ADAM12: variants seen among roughly 807,000 people sequenced by gnomAD.
ADAM12 encodes the protein ADAM metallopeptidase domain 12, also known as disintegrin and metalloproteinase domain-containing protein 12.
Under a neutral mutation model 106.4 loss-of-function variants are expected in ADAM12, and 70 were observed. The observed-to-expected ratio is 0.66, with a 90% confidence interval of 0.54 to 0.80. The LOEUF is 0.80. ADAM12 is among the 30% of genes least tolerant of loss of function. The pLI is 0.00. For synonymous variants in ADAM12, 420 were observed against 433.5 expected, an observed-to-expected ratio of 0.97 and a Z score of 0.39; for missense variants, 1,010 against 1,171.9, an observed-to-expected ratio of 0.86 and a Z score of 2.02.
chr10:126,104,463 AAAG>A (rs533748265), intron 8 of ADAM12, among the ~76,000 whole-genome samples: 1,820 of 150,802 alleles, frequency 0.012, 23 homozygotes, highest in East Asian at 0.038. Flanking sequence ...AAAAAAAAAA[AAAG>A]AAAGAAAGAA....
chr10:126,257,918 C>A (rs1327689210), intron 3 of ADAM12, among the ~76,000 whole-genome samples: 1 of 152,104 alleles, frequency 6.6e-6, no homozygotes, highest in Non-Finnish European at 1.5e-5. Flanking sequence ...TTTACAGGCA[C>A]CATGCCTGGA....
At chr10:126,137,129 C>T (rs1207524028) in intron 4 of ADAM12, among the ~76,000 whole-genome samples, 2 of 152,110 alleles carry the variant, frequency 1.3e-5, no homozygotes, top group African/African-American at 2.4e-5. Flanking sequence ...AGGTTCAATG[C>T]TAACTTTCCC....
intron 1 of ADAM12, among the ~76,000 whole-genome samples, chr10:126,384,821 A>G (rs147150261): frequency 0.011 from 1,747 of 152,342 alleles, 29 homozygotes; most frequent in African/African-American, 0.04. Flanking sequence ...GTAGAGATCA[A>G]CTGGGAGTCC....
chr10:126,348,402 G>C (rs910955793), intron 1 of ADAM12, among the ~76,000 whole-genome samples: 2 of 152,142 alleles, frequency 1.3e-5, no homozygotes, highest in Non-Finnish European at 2.9e-5. Context: ...TGGGAGGATG[G>C]GGGAGGGAAA....
intron 11 of ADAM12, among the ~76,000 whole-genome samples, chr10:126,087,283 A>G (rs868766393): frequency 6.6e-6 from 1 of 152,190 alleles, no homozygotes; most frequent in Non-Finnish European, 1.5e-5. Context: ...ATCTAATTAC[A>G]TGGAGAAGAA....
chr10:126,155,373 C>T (rs1956796463), intron 3 of ADAM12, 68 bp from the exon 4 acceptor site: 1 of 1,401,520 alleles, frequency 7.1e-7, no homozygotes, highest in Non-Finnish European at 1.0e-6. Flanking sequence ...TTGTGAATGT[C>T]TAGGCTATAG....
At chr10:126,074,843 T>C (rs1324167611) in intron 11 of ADAM12, among the ~76,000 whole-genome samples, 1 of 152,208 alleles carries the variant, frequency 6.6e-6, no homozygotes, top group African/African-American at 2.4e-5. Flanking sequence ...TCACCAACAC[T>C]GAACAGATCC....
At chr10:126,278,016 T>C (rs1276227223) in intron 3 of ADAM12, among the ~76,000 whole-genome samples, 1 of 152,200 alleles carries the variant, frequency 6.6e-6, no homozygotes, top group Non-Finnish European at 1.5e-5. Flanking sequence ...TCCACATCCC[T>C]GACAGAACTC....
chr10:126,212,016 G>T (rs1404549310), intron 3 of ADAM12, among the ~76,000 whole-genome samples: 1 of 152,200 alleles, frequency 6.6e-6, no homozygotes, highest in Non-Finnish European at 1.5e-5. Flanking sequence ...AGGGAATAAG[G>T]ACTTACCTGG....
At chr10:126,287,261 A>G (rs1189679654) in intron 2 of ADAM12, among the ~76,000 whole-genome samples, 1 of 152,102 alleles carries the variant, frequency 6.6e-6, no homozygotes, top group Non-Finnish European at 1.5e-5. Context: ...TCTGAGGACA[A>G]TGGCCAATTC....
Position 126,042,896 on chromosome 10 carries a change from G to A in ADAM12, c.2104+144C>T, listed in dbSNP as rs78657390. 4.1e-3 allele frequency: 2,809 copies of A among 686,484 alleles called. 13 individuals carry two copies. Among genetic ancestry groups the A allele is most frequent in the Middle Eastern group, 0.02 (49 of 2,410 alleles). 42.5% of individuals were successfully genotyped at this position (686,484 alleles called of 1,614,324 possible). Reference sequence around the variant, plus strand: ...GATGAGAGGGGCATCTGGAAACTGCGGGAGACCCTAGGCTGTGTAGACCCA... The same window carrying A: ...GATGAGAGGGGCATCTGGAAACTGCAGGAGACCCTAGGCTGTGTAGACCCA... On this transcript the variant is annotated intron_variant, in intron 18 of 22. Transcript: ENST00000448723.
chr10:126,244,370 G>T (rs1304059776), intron 3 of ADAM12, among the ~76,000 whole-genome samples: 1 of 152,194 alleles, frequency 6.6e-6, no homozygotes, highest in Non-Finnish European at 1.5e-5. Context: ...GCATGGAAGA[G>T]AGGAGAAGGT....
intron 1 of ADAM12, among the ~76,000 whole-genome samples, chr10:126,382,233 AAGG>A (rs1179144707): frequency 6.6e-5 from 10 of 152,110 alleles, no homozygotes; most frequent in African/African-American, 2.4e-4. Context: ...AAACCTGTAT[AAGG>A]AGAAGATAGA....
intron 2 of ADAM12, among the ~76,000 whole-genome samples, chr10:126,296,082 G>A (rs532209146): frequency 5.3e-5 from 8 of 152,284 alleles, no homozygotes; most frequent in Admixed American, 2.0e-4. Context: ...ATCCCCGTGC[G>A]TGGGGACCAT....
At chr10:126,286,561 C>A (rs781495407) in intron 2 of ADAM12, among the ~76,000 whole-genome samples, 1 of 152,132 alleles carries the variant, frequency 6.6e-6, no homozygotes, top group Admixed American at 6.5e-5. Flanking sequence ...TCACGGGGCA[C>A]GAGGGAGTCA....
At chr10:126,374,689 A>G (rs932320075) in intron 1 of ADAM12, among the ~76,000 whole-genome samples, 4 of 152,228 alleles carry the variant, frequency 2.6e-5, no homozygotes, top group Admixed American at 6.5e-5. Flanking sequence ...AAAGAGATGA[A>G]GAGAAGCTAA....
intron 11 of ADAM12, among the ~76,000 whole-genome samples, chr10:126,086,680 A>ATAT (rs1472519666): frequency 1.2e-4 from 3 of 24,274 alleles, no homozygotes; most frequent in Non-Finnish European, 1.8e-4. Flanking sequence ...AAAAAAAAAA[A>ATAT]ATATATATAT....
At chr10:126,042,939 G>C (rs368980080) in intron 18 of ADAM12, 101 bp downstream of exon 18, 1 of 1,184,692 alleles carries the variant, frequency 8.4e-7, no homozygotes, top group Non-Finnish European at 1.2e-6. Context: ...TCCCCACTGG[G>C]TTTCTTGTTG....
intron 14 of ADAM12, among the ~76,000 whole-genome samples, chr10:126,055,339 A>T (rs1644888030): frequency 6.6e-6 from 1 of 152,162 alleles, no homozygotes; most frequent in Admixed American, 6.5e-5. Flanking sequence ...TCTTTATGCC[A>T]CTCAACCCTA....
Sources: allele counts gnomAD v4.1 joint callset (sites outside exome capture counted in the v4.1 genomes callset), GRCh38; gene constraint gnomAD v4.1.1; transcripts MANE v1.5; gene names NCBI Gene and HGNC (gene_info 2026-07-23, HGNC 2026-07-21).